CLIP2: variants seen among roughly 807,000 people sequenced by gnomAD.
CLIP2 encodes the protein CAP-Gly domain containing linker protein 2.
CLIP2 carries 41 observed loss-of-function variants against 111.7 expected under a neutral mutation model. The observed-to-expected ratio is 0.37, with a 90% CI of 0.29 to 0.48. CLIP2 has a LOEUF of 0.48. CLIP2 is among the 20% of genes least tolerant of loss of function. The pLI, the probability that CLIP2 is intolerant of heterozygous loss-of-function variation, is 0.99. For missense variants in CLIP2, 1,160 were observed against 1,422.1 expected (o/e 0.82, Z 2.96); for synonymous variants, 660 against 644.2 (o/e 1.02, Z -0.37).
intron 16 of CLIP2, among the ~76,000 whole-genome samples, chr7:74,402,331 A>C (rs1401163247): frequency 6.8e-6 from 1 of 148,030 alleles, no homozygotes; most frequent in Non-Finnish European, 1.5e-5. Flanking sequence ...CTCCATCTCA[A>C]AAAAAAAAAA....
At chr7:74,325,272 G>C (rs1329728091) in intron 2 of CLIP2, among the ~76,000 whole-genome samples, 1 of 152,150 alleles carries the variant, frequency 6.6e-6, no homozygotes, top group African/African-American at 2.4e-5. Flanking sequence ...AGGAGGTGGT[G>C]CAGGGCTACA....
rs782035915 is a variant in CLIP2, at chr7:74,376,264, C to T, written c.1863C>T (p.Ala621=). Residue 621 remains alanine, a synonymous_variant, in exon 10 of 17, where the codon GCC becomes GCT. Transcript: ENST00000223398. The surrounding 1 kb of genome is among the most constrained non-coding windows in gnomAD (Gnocchi z 7.1). ...DNWKSKLDSL[A]SDHQKSLEDL... ...GGAAATCCAAGCTGGACTCGCTGGC[C>T]TCGGACCACCAGAAGTCCCTGGAGG... is the stretch of plus-strand genomic sequence containing the variant. 16 of 1,612,688 alleles carry T rather than the reference C, an allele frequency of 9.9e-6. No homozygotes were observed. The African/African-American group carries it at 1.9e-4, about 19-fold the overall frequency.
In CLIP2 at chr7:74,376,139, A is replaced by G. The variant is rs782673143; in HGVS notation, c.1738A>G (p.Lys580Glu). The G allele has an allele frequency of 1.5e-5, 24 of 1,609,868 alleles. No homozygotes were observed. The highest frequency in any genetic ancestry group is 2.0e-5 in the Non-Finnish European group (24 of 1,177,982). ...GAAGGCCTACCAGGCGGAGGTGGAC[A>G]AGCTCCGCGCGGCCAACGAGAAGTA... ...ALKAYQAEVD[K>E]LRAANEKYAQ... is the part of the protein sequence containing the mutation. Residue 580 changes from lysine (K) to glutamate (E), a missense_variant, in exon 10 of 17, where the codon AAG becomes GAG. By Grantham distance (56) the Lys-to-Glu change is moderately conservative. This residue lies in a region of CLIP2 where 676 missense variants were observed against 777.8 expected (regional missense o/e 0.87). Coordinates refer to ENST00000223398, the MANE Select transcript of CLIP2 (RefSeq NM_003388.5). The surrounding 1 kb of genome is among the most constrained non-coding windows in gnomAD (Gnocchi z 7.1).
At chr7:74,397,666 G>GTT (rs71094782) in intron 14 of CLIP2, among the ~76,000 whole-genome samples, 9 of 42,018 alleles carry the variant, frequency 2.1e-4, no homozygotes, top group Admixed American at 4.7e-4. Context: ...AGTTTTTTTT[G>GTT]TTTTTTTTTT....
chr7:74,302,346 G>A (rs558280118), intron 1 of CLIP2, among the ~76,000 whole-genome samples: 2 of 151,942 alleles, frequency 1.3e-5, no homozygotes, highest in South Asian at 4.2e-4. Context: ...CTCCCAAGTA[G>A]CAGGGATTAC....
chr7:74,318,281 G>A (rs1474303706), intron 2 of CLIP2, among the ~76,000 whole-genome samples: 1 of 152,178 alleles, frequency 6.6e-6, no homozygotes, highest in African/African-American at 2.4e-5. Flanking sequence ...CTGCAATGCA[G>A]GTGGACCTGG....
chr7:74,305,855 A>ACCCCCCCCCCCCCCCC (rs1478628381), intron 1 of CLIP2, among the ~76,000 whole-genome samples: 26 of 52,294 alleles, frequency 5.0e-4, no homozygotes, highest in African/African-American at 8.4e-4. Context: ...CTGCACCCCA[A>ACCCCCCCCCCCCCCCC]CCCCCCCCCA....
At chr7:74,297,210 C>T (rs556109213) in intron 1 of CLIP2, among the ~76,000 whole-genome samples, 1 of 152,136 alleles carries the variant, frequency 6.6e-6, no homozygotes, top group East Asian at 1.9e-4. Context: ...TGGTGGCTCA[C>T]ACCTGTAATC....
chr7:74,345,258 A>G (rs987244660), intron 3 of CLIP2, among the ~76,000 whole-genome samples: 30 of 152,182 alleles, frequency 2.0e-4, no homozygotes, highest in Non-Finnish European at 4.0e-4. Context: ...TTTTTTAGAC[A>G]GAGTCTTGCT....
chr7:74,321,760 G>T (rs1013516741), intron 2 of CLIP2, among the ~76,000 whole-genome samples: 5 of 151,786 alleles, frequency 3.3e-5, no homozygotes, highest in Non-Finnish European at 2.9e-5. Context: ...GAGCCACCGC[G>T]CCTGGCCTTT....
intron 2 of CLIP2, among the ~76,000 whole-genome samples, chr7:74,326,869 C>T (rs1554730715): frequency 1.3e-5 from 2 of 151,796 alleles, no homozygotes; most frequent in Non-Finnish European, 2.9e-5. Flanking sequence ...AACTCCTGAC[C>T]TCGTGATCCG....
rs1789723316 is a variant in CLIP2, at chr7:74,343,669, G to A, written c.678+4665G>A. 2.6e-5 allele frequency among the ~76,000 whole-genome samples: 4 copies of A among 151,322 alleles called. No individual in the cohort carries two copies. In the Admixed American group the frequency reaches 2.6e-4, roughly 10 times the overall value. On this transcript the variant is annotated intron_variant, in intron 3 of 16. Coordinates refer to ENST00000223398, the MANE Select transcript of CLIP2 (RefSeq NM_003388.5). Reference sequence around the variant, plus strand: ...GCACTTTGGGAGGCCAAGGCAGGCGGATCACTCAAGGTCAGGATTTGGAAA... The same window carrying A: ...GCACTTTGGGAGGCCAAGGCAGGCGAATCACTCAAGGTCAGGATTTGGAAA...
At chr7:74,380,106 T>G (rs1224704363) in intron 10 of CLIP2, 2 of 152,038 alleles carry the variant, frequency 1.3e-5, no homozygotes, top group African/African-American at 4.8e-5. Context: ...GGTGACTGCC[T>G]ACTCAGCTCT....
At chr7:74,301,885 G>A (rs1788348033) in intron 1 of CLIP2, among the ~76,000 whole-genome samples, 1 of 150,900 alleles carries the variant, frequency 6.6e-6, no homozygotes, top group Admixed American at 6.7e-5. Flanking sequence ...GCTAATTTTT[G>A]TATTTTTAGT....
intron 2 of CLIP2, among the ~76,000 whole-genome samples, chr7:74,335,023 T>G (rs1003458924): frequency 2.9e-4 from 44 of 150,492 alleles, no homozygotes; most frequent in Non-Finnish European, 4.3e-4. Flanking sequence ...AGAGGGAGGG[T>G]TCTGAAGCCA....
chr7:74,403,860 T>C lies in CLIP2; in HGVS notation c.*12T>C, dbSNP rs1323029029. The C allele has an allele frequency of 6.2e-7, 1 of 1,613,128 alleles. No individual in the cohort carries two copies. Among genetic ancestry groups the C allele is most frequent in the Non-Finnish European group, 8.5e-7 (1 of 1,179,870 alleles). ...AGGACAAGCACTGATCCTGAGGGGA[T>C]ACTGTGGAGCAGCCCAGTCCACACC... On this transcript the variant is annotated 3_prime_UTR_variant, in exon 17 of 17. Coordinates refer to ENST00000223398, the MANE Select transcript of CLIP2 (RefSeq NM_003388.5).
In CLIP2 at chr7:74,376,546, G is replaced by C; in HGVS notation, c.2145G>C (p.Arg715=). ...AQLEVQASQH[R]LELQEAQDQR... Reference sequence around the variant, plus strand: ...TGGAGGTGCAAGCCAGCCAGCACCGGCTGGAGCTGCAGGAGGCCCAGGACC... The same window carrying C: ...TGGAGGTGCAAGCCAGCCAGCACCGCCTGGAGCTGCAGGAGGCCCAGGACC... Residue 715 remains arginine, a synonymous_variant, in exon 10 of 17, where the codon CGG becomes CGC. Transcript: ENST00000223398. This position sits in a 1 kb window ranked among gnomAD's most constrained non-coding sequence, Gnocchi z 7.1. The C allele has an allele frequency of 1.2e-6, 2 of 1,605,122 alleles. No individual in the cohort carries two copies. Among genetic ancestry groups the C allele is most frequent in the Non-Finnish European group, 1.7e-6 (2 of 1,176,748 alleles).
intron 1 of CLIP2, among the ~76,000 whole-genome samples, chr7:74,310,738 G>T (rs1354090282): frequency 6.6e-6 from 1 of 151,486 alleles, no homozygotes; most frequent in Non-Finnish European, 1.5e-5. Flanking sequence ...TTGAGACAAG[G>T]TCTCACTTTG....
intron 8 of CLIP2, among the ~76,000 whole-genome samples, chr7:74,372,264 G>C (rs1790647232): frequency 6.6e-6 from 1 of 152,066 alleles, no homozygotes; most frequent in Non-Finnish European, 1.5e-5. Flanking sequence ...CGGTGGGGTG[G>C]GCAGCAATGG....
Sources: allele counts gnomAD v4.1 joint callset (sites outside exome capture counted in the v4.1 genomes callset), GRCh38; gene constraint gnomAD v4.1.1; regional missense constraint gnomAD v4.1.1; non-coding constraint Gnocchi (gnomAD v3.1); transcripts MANE v1.5; gene names NCBI Gene and HGNC (gene_info 2026-07-23, HGNC 2026-07-21).